The following SEC14L5 variants were observed in gnomAD, a reference collection of about 807,000 sequenced individuals.
The protein encoded by SEC14L5 is SEC14 like lipid binding 5, also known as SEC14-like protein 5.
SEC14L5 carries 96 observed loss-of-function variants against 84.6 expected under a neutral mutation model. The ratio of observed to expected loss-of-function variants is 1.13; its 90% CI spans 0.96 to 1.34. SEC14L5 has a LOEUF of 1.34. SEC14L5 is among the 40% of genes most tolerant of loss of function. The pLI, the probability that SEC14L5 is intolerant of heterozygous loss-of-function variation, is 0.00. For synonymous variants in SEC14L5, 546 were observed against 383.4 expected, an observed-to-expected ratio of 1.42 and a Z score of -4.95; for missense variants, 1,224 against 942.5, an observed-to-expected ratio of 1.30 and a Z score of -3.91.
chr16:5,007,892 C>T (rs1280409038), intron 13 of SEC14L5, among the ~76,000 whole-genome samples: 1 of 148,470 alleles, frequency 6.7e-6, no homozygotes, highest in Non-Finnish European at 1.5e-5. Context: ...AGGCGGGAGC[C>T]ACGGCGCCTG....
Position 4,990,891 on chromosome 16 carries a change from A to T in SEC14L5, c.470A>T (p.Lys157Met). 1 of 1,593,888 alleles carries T rather than the reference A, an allele frequency of 6.3e-7. No individual in the cohort carries two copies. The highest frequency in any genetic ancestry group is 8.5e-7 in the Non-Finnish European group (1 of 1,170,010). ...IAMKQYTANV[K>M]RGKEVIEHYL... ...ATGAAGCAGTACACCGCCAACGTCA[A>T]GAGGGTAAGCGGTGGGTTGCGTTAG... The change falls in exon 5 of 16, where the codon AAG becomes ATG. Residue 157 changes from lysine (K) to methionine (M), a missense_variant. Physicochemically the swap from Lys to Met is moderately conservative, Grantham distance 95. Transcript: ENST00000251170.
At chr16:4,966,647 C>T (rs1248807616) in intron 2 of SEC14L5, among the ~76,000 whole-genome samples, 2 of 152,100 alleles carry the variant, frequency 1.3e-5, no homozygotes, top group South Asian at 4.1e-4. Flanking sequence ...TGTGGGCAGC[C>T]CATTCGACAG....
chr16:4,968,176 C>T (rs1042971094), intron 2 of SEC14L5, among the ~76,000 whole-genome samples: 4 of 150,984 alleles, frequency 2.6e-5, no homozygotes, highest in Non-Finnish European at 4.4e-5. Context: ...TTCACCACCA[C>T]GCCTGGCTAA....
intron 14 of SEC14L5, among the ~76,000 whole-genome samples, chr16:5,010,217 A>G (rs1352355929): frequency 3.1e-4 from 37 of 119,198 alleles, no homozygotes; most frequent in Admixed American, 1.7e-3. Context: ...AAAAAAAAAA[A>G]GCGAGGTGTG....
At chr16:5,009,427 G>T (rs149100743) in intron 14 of SEC14L5, among the ~76,000 whole-genome samples, 1 of 152,010 alleles carries the variant, frequency 6.6e-6, no homozygotes, top group African/African-American at 2.4e-5. Context: ...AGGCTCAAGC[G>T]ATCCTCCCAT....
chr16:4,988,307 ACGCCCGGCACCCACCTG>A (rs770439866), intron 4 of SEC14L5, 27 bp downstream of exon 4: 141 of 1,610,320 alleles, frequency 8.8e-5, no homozygotes, highest in East Asian at 1.8e-4. Context: ...CTCAGCGCCC[ACGCCCGGCACCCACCTG>A]CGCCCGGCAC....
chr16:4,979,433 A>G (rs1318516614), intron 2 of SEC14L5, among the ~76,000 whole-genome samples: 4 of 152,178 alleles, frequency 2.6e-5, no homozygotes, highest in Non-Finnish European at 5.9e-5. Context: ...GGTGAGCGCT[A>G]CCTACTTCAT....
chr16:4,977,773 T>C (rs1955364615), intron 2 of SEC14L5, among the ~76,000 whole-genome samples: 1 of 151,956 alleles, frequency 6.6e-6, no homozygotes, highest in African/African-American at 2.4e-5. Flanking sequence ...GTTTGAATTT[T>C]ATTCAGCCAG....
rs750893044 is a variant in SEC14L5 at position 4,990,863 on chromosome 16, G to T, written c.442G>T (p.Ala148Ser). ...CTTTGAAAATGCCTTGGAGAAGATC[G>T]CCATGAAGCAGTACACCGCCAACGT... is the stretch of plus-strand genomic sequence containing the variant. ...FGFENALEKI[A>S]MKQYTANVKR... The change falls in exon 5 of 16, where the codon GCC becomes TCC. Residue 148 changes from alanine (A) to serine (S), a missense_variant. Ala to Ser is a moderately conservative substitution (Grantham distance 99). Transcript: ENST00000251170. The T allele has an allele frequency of 6.2e-7, 1 of 1,608,996 alleles. No homozygotes were observed.
chr16:5,009,999 T>G (rs1479580223), intron 14 of SEC14L5, among the ~76,000 whole-genome samples: 1 of 151,776 alleles, frequency 6.6e-6, no homozygotes, highest in African/African-American at 2.4e-5. Flanking sequence ...CTGAGGTCAG[T>G]AGTCAGATTT....
intron 14 of SEC14L5, 106 bp downstream of exon 14, chr16:5,008,754 C>A: frequency 1.0e-6 from 1 of 1,004,242 alleles, no homozygotes; most frequent in Non-Finnish European, 1.5e-6. Context: ...CTGCTGGTCC[C>A]CAGCCTCAGG....
chr16:4,970,739 G>T (rs1468994152), intron 2 of SEC14L5, among the ~76,000 whole-genome samples: 1 of 152,232 alleles, frequency 6.6e-6, no homozygotes, highest in Admixed American at 6.5e-5. Flanking sequence ...GTCATTCTGA[G>T]GGTGAGTCCT....
intron 2 of SEC14L5, among the ~76,000 whole-genome samples, chr16:4,972,670 C>G (rs989542253): frequency 1.3e-5 from 2 of 152,238 alleles, no homozygotes; most frequent in Non-Finnish European, 2.9e-5. Context: ...AGGTGCCTCA[C>G]TCCTCTTTAA....
At position 5,018,403 on chromosome 16, in the gene SEC14L5, A is replaced by C. The variant is rs891349223; in HGVS notation, c.*3433A>C. 1.3e-5 allele frequency: 2 copies of C among 152,228 alleles called. 1 individual carries two copies. The highest frequency in any genetic ancestry group is 3.8e-4 in the East Asian group (2 of 5,196). The allele number at this position is 152,228 out of a possible 1,614,324, so 9.4% of individuals were successfully genotyped here. A position where few individuals can be genotyped will look rare whatever the true frequency, so the allele number is the denominator to read the frequency against. ...TTGTGTGGGCGGGGCGTGGTGGCTCATGCCTATAATCCCAACACTTTGGGA... is the reference window on the plus strand; with the variant it reads ...TTGTGTGGGCGGGGCGTGGTGGCTCCTGCCTATAATCCCAACACTTTGGGA... On this transcript the variant is annotated 3_prime_UTR_variant, in exon 16 of 16. Transcript: ENST00000251170.
At chr16:4,988,111 G>GCCCACCCACCTCCGCCT (rs1214536793) in intron 3 of SEC14L5, 38 bp from the exon 4 acceptor site, 3 of 1,608,110 alleles carry the variant, frequency 1.9e-6, no homozygotes, top group Admixed American at 1.7e-5. Context: ...GCTCCACGCC[G>GCCCACCCACCTCCGCCT]CCCACCCACC....
At chr16:4,982,876 T>C (rs1052841223) in intron 2 of SEC14L5, among the ~76,000 whole-genome samples, 1 of 152,124 alleles carries the variant, frequency 6.6e-6, no homozygotes. Flanking sequence ...TCAGCCAGGG[T>C]GAGACCCTCT....
chr16:4,999,513 G>T (rs553617584), intron 8 of SEC14L5, among the ~76,000 whole-genome samples: 1 of 152,096 alleles, frequency 6.6e-6, no homozygotes, highest in Non-Finnish European at 1.5e-5. Flanking sequence ...CCAGCTACTT[G>T]GGAGGCTGAG....
intron 1 of SEC14L5, among the ~76,000 whole-genome samples, chr16:4,958,657 C>T (rs949553674): frequency 6.6e-6 from 1 of 152,172 alleles, no homozygotes; most frequent in Admixed American, 6.6e-5. Flanking sequence ...TGCGTGTGTG[C>T]ACGTCTGTGC....
intron 2 of SEC14L5, among the ~76,000 whole-genome samples, chr16:4,959,711 A>C (rs1955095396): frequency 6.6e-6 from 1 of 152,226 alleles, no homozygotes; most frequent in South Asian, 2.1e-4. Flanking sequence ...TATCACAGTG[A>C]TAAATGGAAT....
Sources: gnomAD v4.1 joint callset for allele counts (sites outside exome capture counted in the v4.1 genomes callset) on GRCh38, gnomAD v4.1.1 for gene constraint, MANE v1.5 for transcripts, NCBI Gene and HGNC (gene_info 2026-07-23, HGNC 2026-07-21) for gene names.